TRIT1: variants seen among roughly 807,000 people sequenced by gnomAD.
The protein encoded by TRIT1 is tRNA isopentenyltransferase 1, also known as tRNA dimethylallyltransferase.
A neutral mutation model predicts 51.2 loss-of-function variants in TRIT1; 43 were observed. The ratio of observed to expected loss-of-function variants is 0.84; its 90% CI spans 0.66 to 1.08. TRIT1 has a LOEUF of 1.08. Among genes scored for constraint, TRIT1 ranks in the 50% least tolerant of loss-of-function variants. TRIT1 has a pLI of 0.00. For missense variants in TRIT1, 528 were observed against 578.4 expected, an observed-to-expected ratio of 0.91 and a Z score of 0.89; for synonymous variants, 184 against 203.9, an observed-to-expected ratio of 0.90 and a Z score of 0.83.
intron 3 of TRIT1, among the ~76,000 whole-genome samples, chr1:39,853,428 G>A (rs1469097225): frequency 6.0e-5 from 9 of 150,462 alleles, no homozygotes; most frequent in African/African-American, 1.7e-4. Flanking sequence ...ACAGGGTCTC[G>A]CTCTGTTGCC....
chr1:39,851,138 T>A (rs951702718), intron 4 of TRIT1, among the ~76,000 whole-genome samples: 1 of 152,144 alleles, frequency 6.6e-6, no homozygotes, highest in African/African-American at 2.4e-5. Context: ...TCTTTCAGTA[T>A]CACTGGTTTC....
chr1:39,864,980 T>G (rs1409872867), intron 1 of TRIT1, among the ~76,000 whole-genome samples: 1 of 152,228 alleles, frequency 6.6e-6, no homozygotes, highest in Non-Finnish European at 1.5e-5. Context: ...TTCAATCACT[T>G]TCTTGCCTCA....
intron 4 of TRIT1, among the ~76,000 whole-genome samples, chr1:39,851,419 A>T (rs1454165978): frequency 6.6e-6 from 1 of 152,202 alleles, no homozygotes; most frequent in Admixed American, 6.5e-5. Context: ...ATCATGTAAT[A>T]AAACAATATA....
At chr1:39,858,542 G>A (rs1297504811) in intron 1 of TRIT1, among the ~76,000 whole-genome samples, 1 of 152,100 alleles carries the variant, frequency 6.6e-6, no homozygotes, top group African/African-American at 2.4e-5. Context: ...GCCACATTGA[G>A]GGTCACTATT....
Position 39,850,213 on chromosome 1 carries a change from G to C in TRIT1, c.609C>G (p.Leu203=). The change falls in exon 5 of 11, where the codon CTC becomes CTG. Residue 203 remains leucine, a synonymous_variant. Coordinates refer to ENST00000316891, the MANE Select transcript of TRIT1 (RefSeq NM_017646.6). Reference sequence around the variant, plus strand: ...CACCTTCTTCCGTATGTTGACGATGGAGAAATTCACTATGAGAGATTCCTG... The same window carrying C: ...CACCTTCTTCCGTATGTTGACGATGCAGAAATTCACTATGAGAGATTCCTG... The part of the protein sequence containing the change: ...EETGISHSEF[L]HRQHTEEGGG... 6.2e-7 allele frequency: 1 copy of C among 1,614,140 alleles called. No homozygotes were observed. The highest frequency in any genetic ancestry group is 8.5e-7 in the Non-Finnish European group (1 of 1,180,022).
chr1:39,865,961 GGAAA>G (rs1643522258), intron 1 of TRIT1, among the ~76,000 whole-genome samples: 1 of 139,822 alleles, frequency 7.2e-6, no homozygotes, highest in African/African-American at 2.7e-5. Flanking sequence ...AAGAAGAAAA[GGAAA>G]GAAAGAAGGA....
At position 39,840,311 on chromosome 1, in the gene TRIT1, A is replaced by G. The variant is rs1425378928; in HGVS notation, c.*1433T>C. ...GGCTCTGGAATTCAGCACTGTTTAA[A>G]AAGGTCAATCAAGTTAGATAGTTTT... On this transcript the variant is annotated 3_prime_UTR_variant, in exon 11 of 11. Transcript: ENST00000316891. 6.6e-6 allele frequency among the ~76,000 whole-genome samples: 1 copy of G among 152,242 alleles called. No homozygotes were observed. Among genetic ancestry groups the G allele is most frequent in the Non-Finnish European group, 1.5e-5 (1 of 68,052 alleles).
At chr1:39,872,247 G>T (rs1417356125) in intron 1 of TRIT1, among the ~76,000 whole-genome samples, 2 of 151,838 alleles carry the variant, frequency 1.3e-5, no homozygotes, top group African/African-American at 4.8e-5. Flanking sequence ...CAGAATATCT[G>T]GGAACCCAGG....
At position 39,883,350 on chromosome 1, in the gene TRIT1, CGA is replaced by C. The variant is rs1557596089; in HGVS notation, c.140_141del (p.Leu47ArgfsTer3). On this transcript the variant is annotated frameshift_variant, in exon 1 of 11. Coordinates refer to ENST00000316891, the MANE Select transcript of TRIT1 (RefSeq NM_017646.6). LOFTEE classifies it high-confidence loss of function. Reference protein sequence around the residue: ...STLALQLGQRLGGEIVSADSM... With the variant: ...STLALQLGQRXGGEIVSADSM... Reference sequence around the variant, plus strand: ...GAGTCAGCGCTGACGATCTCACCGCCGAGCCGCTGGCCTAGCTGCAACGCCAG... The same window carrying C: ...GAGTCAGCGCTGACGATCTCACCGCCGCCGCTGGCCTAGCTGCAACGCCAG... The C allele has an allele frequency of 1.2e-6, 2 of 1,610,998 alleles. No homozygotes were observed. The highest frequency in any genetic ancestry group is 8.5e-7 in the Non-Finnish European group (1 of 1,179,026).
Position 39,850,181 on chromosome 1 carries a change from G to GGAC in TRIT1, c.638_640dup (p.Gly213_Pro214insArg). ...AGAGAACTTCAGAGGACCTCCAAGG[G>GGAC]GACCACCACCTTCTTCCGTATGTTG... is the stretch of plus-strand genomic sequence containing the variant. On this transcript the variant is annotated inframe_insertion, in exon 5 of 11. Coordinates refer to ENST00000316891, the MANE Select transcript of TRIT1 (RefSeq NM_017646.6). 6.2e-7 allele frequency: 1 copy of GGAC among 1,614,080 alleles called. No homozygotes were observed. Among genetic ancestry groups the GGAC allele is most frequent in the Non-Finnish European group, 8.5e-7 (1 of 1,180,012 alleles).
intron 3 of TRIT1, 28 bp downstream of exon 3, chr1:39,853,942 C>T (rs1288786016): frequency 6.8e-7 from 1 of 1,475,406 alleles, no homozygotes; most frequent in Non-Finnish European, 9.4e-7. Context: ...TCCATTTCCT[C>T]AGTGAGTTAC....
chr1:39,864,565 C>T (rs931860749), intron 1 of TRIT1, among the ~76,000 whole-genome samples: 2 of 144,260 alleles, frequency 1.4e-5, no homozygotes, highest in Admixed American at 7.1e-5. Context: ...GCCAAGATTG[C>T]GCCACTGCAC....
rs1331558743 is a variant in TRIT1, at chr1:39,844,617, CA to C, written c.1029del (p.Val344SerfsTer4). On this transcript the variant is annotated frameshift_variant, in exon 9 of 11. Coordinates refer to ENST00000316891, the MANE Select transcript of TRIT1 (RefSeq NM_017646.6). LOFTEE classifies it high-confidence loss of function. ...ACATCAGATACCTCTAAGCCATAGA[CA>C]GGGGGGACAATGGGACCAGGTCCTA... is the stretch of plus-strand genomic sequence containing the variant. ...FLSRPGPIVPPVYGLEVSDVS... is the reference protein window; with the variant it reads ...FLSRPGPIVPXVYGLEVSDVS... 26 of 1,613,634 alleles carry C rather than the reference CA, an allele frequency of 1.6e-5. No homozygotes were observed. The highest frequency in any genetic ancestry group is 1.6e-4 in the Middle Eastern group (1 of 6,082).
chr1:39,856,380 A>T (rs191691482), intron 2 of TRIT1, among the ~76,000 whole-genome samples: 17 of 151,916 alleles, frequency 1.1e-4, no homozygotes, highest in Non-Finnish European at 5.9e-5. Context: ...GATATTTAGG[A>T]CGCTGAGGTG....
At chr1:39,868,825 C>T (rs569579818) in intron 1 of TRIT1, among the ~76,000 whole-genome samples, 14 of 151,700 alleles carry the variant, frequency 9.2e-5, no homozygotes, top group Admixed American at 4.6e-4. Flanking sequence ...TTTGGGAGGC[C>T]GAGGCGGGTG....
chr1:39,873,205 T>G (rs1187187935), intron 1 of TRIT1, among the ~76,000 whole-genome samples: 1 of 152,220 alleles, frequency 6.6e-6, no homozygotes, highest in Admixed American at 6.5e-5. Flanking sequence ...ACTTTTTCAG[T>G]GGAGAAACGT....
intron 1 of TRIT1, among the ~76,000 whole-genome samples, chr1:39,863,146 A>G (rs911360039): frequency 2.0e-5 from 3 of 152,236 alleles, no homozygotes; most frequent in African/African-American, 7.2e-5. Context: ...GTATACTGCA[A>G]CATGTTAGTT....
chr1:39,879,077 A>G lies in TRIT1; in HGVS notation c.174+4241T>C, dbSNP rs533258684. On this transcript the variant is annotated intron_variant, in intron 1 of 10. Transcript: ENST00000316891. The stretch of plus-strand genomic sequence containing the variant: ...GAGGTCAAGAGATCGAGACCATCCT[A>G]GCTAACACAGTGAAACCCCGTCTCT... Among the ~76,000 whole-genome samples the G allele has an allele frequency of 4.6e-5, 7 of 151,978 alleles. No individual in the cohort carries two copies. In the East Asian group the frequency reaches 1.4e-3, roughly 30 times the overall value.
chr1:39,854,319 TC>T (rs1290639055), intron 2 of TRIT1, among the ~76,000 whole-genome samples: 1 of 152,176 alleles, frequency 6.6e-6, no homozygotes, highest in Admixed American at 6.5e-5. Context: ...ACTTTCTAGG[TC>T]TTGCTGCTAA....
Sources: gnomAD v4.1 joint callset for allele counts (sites outside exome capture counted in the v4.1 genomes callset) on GRCh38, gnomAD v4.1.1 for gene constraint, MANE v1.5 for transcripts, NCBI Gene and HGNC (gene_info 2026-07-23, HGNC 2026-07-21) for gene names.